TRPM3: variants seen among roughly 807,000 people sequenced by gnomAD.
TRPM3 encodes long transient receptor potential channel 3.
A neutral mutation model predicts 181.2 loss-of-function variants in TRPM3; 77 were observed. The ratio of observed to expected loss-of-function variants is 0.42; its 90% confidence interval spans 0.35 to 0.51. The LOEUF is 0.51. Among genes scored for constraint, TRPM3 ranks in the 20% least tolerant of loss-of-function variants. The pLI, the probability that TRPM3 is intolerant of heterozygous loss-of-function variation, is 0.01. For missense variants in TRPM3, 1,759 were observed against 2,196.7 expected (o/e 0.80, Z 3.98); for synonymous variants, 745 against 796.4 (o/e 0.94, Z 1.09).
intron 1 of TRPM3, among the ~76,000 whole-genome samples, chr9:71,395,638 A>G (rs913865321): frequency 6.6e-6 from 1 of 152,232 alleles, no homozygotes; most frequent in African/African-American, 2.4e-5. Flanking sequence ...TCTGTTAGCA[A>G]ATTAATTAAG....
chr9:70,779,855 T>C (rs2082131006), intron 7 of TRPM3, among the ~76,000 whole-genome samples: 1 of 152,108 alleles, frequency 6.6e-6, no homozygotes, highest in Non-Finnish European at 1.5e-5. Context: ...CTATGACAGA[T>C]GAGAAACAGA....
chr9:70,774,287 T>C (rs1418032224), intron 7 of TRPM3: 1 of 153,486 alleles, frequency 6.5e-6, no homozygotes, highest in African/African-American at 2.4e-5. Flanking sequence ...AAAACGACAA[T>C]GATGAAGACC....
chr9:70,849,439 C>T (rs1366822064), intron 3 of TRPM3, among the ~76,000 whole-genome samples: 1 of 152,192 alleles, frequency 6.6e-6, no homozygotes, highest in Non-Finnish European at 1.5e-5. Context: ...GCCACCACAC[C>T]TGGCCTGAAG....
At chr9:71,285,184 G>T (rs1398510627) in intron 1 of TRPM3, among the ~76,000 whole-genome samples, 1 of 152,122 alleles carries the variant, frequency 6.6e-6, no homozygotes, top group Non-Finnish European at 1.5e-5. Context: ...TGCCCATCCA[G>T]TCTAAAACTG....
chr9:70,872,077 T>C (rs943630007), intron 1 of TRPM3, among the ~76,000 whole-genome samples: 1 of 151,986 alleles, frequency 6.6e-6, no homozygotes, highest in Non-Finnish European at 1.5e-5. Context: ...CTAAAGAGCA[T>C]GATATAAAGT....
chr9:70,804,760 C>T (rs914100300), intron 6 of TRPM3, among the ~76,000 whole-genome samples: 1 of 152,118 alleles, frequency 6.6e-6, no homozygotes, highest in Non-Finnish European at 1.5e-5. Context: ...ATTTCGGCTC[C>T]TACTCTGCAC....
At chr9:70,961,165 C>T (rs939343515) in intron 1 of TRPM3, among the ~76,000 whole-genome samples, 5 of 151,972 alleles carry the variant, frequency 3.3e-5, no homozygotes, top group African/African-American at 7.3e-5. Flanking sequence ...GATGTGATGA[C>T]GTAGACAGAG....
intron 1 of TRPM3, among the ~76,000 whole-genome samples, chr9:71,385,026 A>C (rs535096929): frequency 4.6e-5 from 7 of 152,330 alleles, no homozygotes; most frequent in African/African-American, 1.4e-4. Flanking sequence ...GAGATACCTC[A>C]GTTGAGACAG....
At chr9:71,300,641 C>T (rs73649715) in intron 1 of TRPM3, among the ~76,000 whole-genome samples, 5,307 of 152,076 alleles carry the variant, frequency 0.035, 295 homozygotes, top group African/African-American at 0.12. Context: ...CAGGAATTTC[C>T]TCACACTTCC....
At chr9:70,651,503 A>T (rs565685791) in intron 9 of TRPM3, among the ~76,000 whole-genome samples, 30 of 152,188 alleles carry the variant, frequency 2.0e-4, no homozygotes, top group Non-Finnish European at 4.3e-4. Context: ...AGTCAGGGAC[A>T]GGAGGGACTA....
intron 6 of TRPM3, among the ~76,000 whole-genome samples, chr9:70,797,738 A>T (rs1174432682): frequency 6.6e-6 from 1 of 152,162 alleles, no homozygotes; most frequent in Non-Finnish European, 1.5e-5. Context: ...TGAATTTGAA[A>T]AGACTAACGG....
chr9:70,755,069 G>A lies in TRPM3; in HGVS notation c.1272+6532C>T, dbSNP rs140679607. Among the ~76,000 whole-genome samples the A allele has an allele frequency of 5.9e-3, 895 of 152,204 alleles. 9 individuals are homozygous for A. The highest frequency in any genetic ancestry group is 0.021 in the African/African-American group (861 of 41,518). ...GAAATTATAGTTATACTGTAATTTT[G>A]ATTTAAAAATTTCTAACTTATTTTT... On this transcript the variant is annotated intron_variant, in intron 8 of 25. Transcript: ENST00000677713.
chr9:71,173,140 T>C (rs1450659737), intron 1 of TRPM3, among the ~76,000 whole-genome samples: 1 of 152,236 alleles, frequency 6.6e-6, no homozygotes, highest in African/African-American at 2.4e-5. Context: ...AACTAGACTA[T>C]ATGTGCCTTG....
intron 8 of TRPM3, among the ~76,000 whole-genome samples, chr9:70,694,740 A>G (rs578249134): frequency 1.3e-5 from 2 of 152,302 alleles, no homozygotes; most frequent in African/African-American, 4.8e-5. Context: ...TCGGCCTCCC[A>G]AAGTGCTGGG....
At chr9:70,852,917 T>C (rs1360277650) in intron 3 of TRPM3, among the ~76,000 whole-genome samples, 1 of 152,236 alleles carries the variant, frequency 6.6e-6, no homozygotes, top group African/African-American at 2.4e-5. Flanking sequence ...CAAGTTCAGG[T>C]TGATGCAATA....
At chr9:71,047,042 C>T (rs1401015336) in intron 1 of TRPM3, among the ~76,000 whole-genome samples, 1 of 152,110 alleles carries the variant, frequency 6.6e-6, no homozygotes, top group Admixed American at 6.5e-5. Flanking sequence ...GGGAAAAACA[C>T]AAGGTTTTCT....
chr9:71,222,843 C>T (rs937344073), intron 1 of TRPM3, among the ~76,000 whole-genome samples: 3 of 152,162 alleles, frequency 2.0e-5, no homozygotes, highest in Non-Finnish European at 1.5e-5. Context: ...ACAGAGGGAA[C>T]ATTTAGACCA....
chr9:71,115,402 T>A (rs2072128866), intron 1 of TRPM3, among the ~76,000 whole-genome samples: 1 of 152,230 alleles, frequency 6.6e-6, no homozygotes, highest in Non-Finnish European at 1.5e-5. Flanking sequence ...TTCATATATC[T>A]TTCATGTGTT....
chr9:70,994,973 A>G (rs572871745), intron 1 of TRPM3, among the ~76,000 whole-genome samples: 3 of 152,294 alleles, frequency 2.0e-5, no homozygotes, highest in African/African-American at 7.2e-5. Flanking sequence ...ATTTGCACAG[A>G]TGATTCATTG....
Sources: allele counts gnomAD v4.1 joint callset (sites outside exome capture counted in the v4.1 genomes callset), GRCh38; gene constraint gnomAD v4.1.1; transcripts MANE v1.5; gene names NCBI Gene and HGNC (gene_info 2026-07-23, HGNC 2026-07-21).